The following YWHAZ variants were observed in gnomAD, a reference collection of about 807,000 sequenced individuals.
YWHAZ encodes the protein 14-3-3 protein zeta/delta.
For missense variants in YWHAZ, 79 were observed against 284.8 expected, an observed-to-expected ratio of 0.28 and a Z score of 5.20; for synonymous variants, 87 against 103.6, an observed-to-expected ratio of 0.84 and a Z score of 0.97.
rs1162426871 is a variant in YWHAZ, at chr8:100,951,754, C to G, written c.-12+175G>C. 7 of 985,160 alleles carry G rather than the reference C, an allele frequency of 7.1e-6. No homozygotes were observed. In the South Asian group the frequency reaches 2.3e-4, roughly 33 times the overall value. 61.0% of individuals were successfully genotyped at this position (985,160 alleles called of 1,614,324 possible). Reference sequence around the variant, plus strand: ...CGGAGGCGGCCGCTAGCCGCCCTCCCGAGCCCAGCGGAAGAGGAGCCGCCG... The same window carrying G: ...CGGAGGCGGCCGCTAGCCGCCCTCCGGAGCCCAGCGGAAGAGGAGCCGCCG... On this transcript the variant is annotated intron_variant, in intron 1 of 5. Transcript: ENST00000395958.
intron 1 of YWHAZ, chr8:100,950,457 T>TA: frequency 1.0e-6 from 1 of 985,450 alleles, no homozygotes; most frequent in Non-Finnish European, 1.2e-6. Flanking sequence ...ACCCGGACTT[T>TA]AAAGTGCAAA....
chr8:100,952,636 C>T (rs949215008), upstream of YWHAZ: 1 of 346,644 alleles, frequency 2.9e-6, no homozygotes, highest in East Asian at 1.7e-4. Flanking sequence ...GGGCCGTCCC[C>T]GGGCAGGATG....
Position 100,916,661 on chromosome 8 carries a change from A to G in YWHAZ, c.*4032T>C, listed in dbSNP as rs572703551. ...TTGGACTTTCAAGGAATGAACTCAA[A>G]TATGATCAAATATTCACATCTCTGG... On this transcript the variant is annotated 3_prime_UTR_variant, in exon 6 of 6. Transcript: ENST00000395958. 1.3e-5 allele frequency: 2 copies of G among 152,260 alleles called. No homozygotes were observed. The highest frequency in any genetic ancestry group is 2.9e-5 in the Non-Finnish European group (2 of 68,048). 9.4% of individuals were successfully genotyped at this position (152,260 alleles called of 1,614,324 possible).
intron 2 of YWHAZ, among the ~76,000 whole-genome samples, chr8:100,936,084 T>C (rs139730195): frequency 7.0e-4 from 107 of 152,308 alleles, no homozygotes; most frequent in African/African-American, 2.5e-3. Context: ...AACCTGCCAC[T>C]ATACACTCAA....
chr8:100,945,764 G>T (rs1810220541), intron 2 of YWHAZ, among the ~76,000 whole-genome samples: 1 of 152,088 alleles, frequency 6.6e-6, no homozygotes, highest in Non-Finnish European at 1.5e-5. Context: ...GTAGGAAAAA[G>T]AAGCCTATTA....
chr8:100,935,516 C>T (rs1301740497), intron 2 of YWHAZ, among the ~76,000 whole-genome samples: 1 of 152,162 alleles, frequency 6.6e-6, no homozygotes, highest in East Asian at 1.9e-4. Flanking sequence ...TGTTCTACTT[C>T]TCTGAAAACC....
chr8:100,952,636 C>G (rs949215008), upstream of YWHAZ: 51 of 346,646 alleles, frequency 1.5e-4, no homozygotes, highest in African/African-American at 1.1e-3. Context: ...GGGCCGTCCC[C>G]GGGCAGGATG....
At chr8:100,946,758 G>A (rs1007519318) in intron 2 of YWHAZ, among the ~76,000 whole-genome samples, 1 of 151,896 alleles carries the variant, frequency 6.6e-6, no homozygotes, top group Non-Finnish European at 1.5e-5. Flanking sequence ...TAAGGGAAAT[G>A]TTAATGTGTA....
intron 1 of YWHAZ, chr8:100,951,631 C>G (rs1171282945): frequency 1.0e-5 from 10 of 985,282 alleles, no homozygotes; most frequent in Non-Finnish European, 1.2e-5. Context: ...AGGGAGATCC[C>G]CAGGGATCTC....
Position 100,922,388 on chromosome 8 carries a change from T to A in YWHAZ, c.678+1567A>T, listed in dbSNP as rs1340154153. On this transcript the variant is annotated intron_variant, in intron 5 of 5. Coordinates refer to ENST00000395958, the MANE Select transcript of YWHAZ (RefSeq NM_145690.3). This position sits in a 1 kb window ranked among gnomAD's most constrained non-coding sequence, Gnocchi z 4.1. ...GAATCAAAACCCTGGTTTTTTCTTT[T>A]CTTTTTTTTTTTTTTTGAGACAGAG... is the stretch of plus-strand genomic sequence containing the variant. The A allele has an allele frequency of 3.7e-5, 2 of 54,174 alleles. No homozygotes were observed. Among genetic ancestry groups the A allele is most frequent in the Non-Finnish European group, 6.2e-5 (2 of 32,390 alleles). The allele number at this position is 54,174 out of a possible 1,614,324, so 3.4% of individuals were successfully genotyped here. A position where few individuals can be genotyped will look rare whatever the true frequency, so the allele number is the denominator to read the frequency against.
intron 2 of YWHAZ, among the ~76,000 whole-genome samples, chr8:100,928,425 A>G (rs1354597110): frequency 1.3e-5 from 2 of 152,082 alleles, no homozygotes; most frequent in Non-Finnish European, 2.9e-5. Context: ...AGCTCAAAAA[A>G]AGCTAACTAT....
intron 2 of YWHAZ, among the ~76,000 whole-genome samples, chr8:100,943,637 A>G (rs1440046038): frequency 6.6e-6 from 1 of 152,186 alleles, no homozygotes; most frequent in Non-Finnish European, 1.5e-5. Flanking sequence ...TATTTGTACA[A>G]AATATGTCAT....
chr8:100,939,525 G>A (rs989130664), intron 2 of YWHAZ, among the ~76,000 whole-genome samples: 3 of 152,006 alleles, frequency 2.0e-5, no homozygotes, highest in African/African-American at 7.3e-5. Context: ...TGGGCGTGGT[G>A]GTGCATGCCT....
Position 100,944,765 on chromosome 8 carries a change from G to C in YWHAZ, c.294+3831C>G, listed in dbSNP as rs78784936. Among the ~76,000 whole-genome samples, 430 of 152,226 alleles carry C rather than the reference G, an allele frequency of 2.8e-3. 10 individuals carry two copies. The highest frequency in any genetic ancestry group is 0.025 in the Admixed American group (387 of 15,294). ...ACAGGACACAGAAGGTAGTCAAGGT[G>C]CTTTACCTGACTCTCATTCCCCACA... On this transcript the variant is annotated intron_variant, in intron 2 of 5. Transcript: ENST00000395958.
chr8:100,942,956 T>G (rs569752902), intron 2 of YWHAZ, among the ~76,000 whole-genome samples: 107 of 152,394 alleles, frequency 7.0e-4, no homozygotes, highest in African/African-American at 2.5e-3. Flanking sequence ...ATCATTTTCC[T>G]ATTTGGCAAT....
In YWHAZ at chr8:100,948,921, G is replaced by A. The variant is rs752986588; in HGVS notation, c.-11-21C>T. ...ATGTTCTGCAGGGGGGAAAAAAGGA[G>A]TATTTAAAATTTTTCCCATCAAAAT... On this transcript the variant is annotated intron_variant, in intron 1 of 5. Coordinates refer to ENST00000395958, the MANE Select transcript of YWHAZ (RefSeq NM_145690.3). This position sits in a 1 kb window ranked among gnomAD's most constrained non-coding sequence, Gnocchi z 4.2. The A allele has an allele frequency of 6.5e-7, 1 of 1,548,278 alleles. No homozygotes were observed. Among genetic ancestry groups the A allele is most frequent in the South Asian group, 1.2e-5 (1 of 83,890 alleles).
intron 1 of YWHAZ, among the ~76,000 whole-genome samples, chr8:100,950,231 G>A (rs1330271554): frequency 6.6e-6 from 1 of 152,106 alleles, no homozygotes; most frequent in Non-Finnish European, 1.5e-5. Context: ...TCTCAGAAAC[G>A]CTCTCTGGTT....
At chr8:100,930,389 G>A (rs1051835081) in intron 2 of YWHAZ, among the ~76,000 whole-genome samples, 3 of 152,140 alleles carry the variant, frequency 2.0e-5, no homozygotes, top group Admixed American at 1.3e-4. Context: ...GAGCCACCGC[G>A]CCCAGCCAAC....
intron 1 of YWHAZ, among the ~76,000 whole-genome samples, chr8:100,950,253 T>A (rs1057477370): frequency 6.6e-6 from 1 of 152,174 alleles, no homozygotes; most frequent in Non-Finnish European, 1.5e-5. Context: ...TTTCTGCTTC[T>A]AACAAAAAAT....
Sources: gnomAD v4.1 joint callset for allele counts (sites outside exome capture counted in the v4.1 genomes callset) on GRCh38, gnomAD v4.1.1 for gene constraint, Gnocchi (gnomAD v3.1) non-coding constraint, MANE v1.5 for transcripts, NCBI Gene and HGNC (gene_info 2026-07-23, HGNC 2026-07-21) for gene names.